Variants in TFDP2 observed in about 807,000 individuals in gnomAD.
TFDP2 encodes the protein transcription factor Dp-2 (E2F dimerization partner 2).
A neutral mutation model predicts 59.3 loss-of-function variants in TFDP2; 17 were observed. The observed-to-expected ratio is 0.29, with a 90% CI of 0.20 to 0.43. The LOEUF is 0.43. Ranked by LOEUF, TFDP2 falls within the 20% of genes least tolerant of loss-of-function variation. The probability of loss-of-function intolerance (pLI) is 1.00; values close to 1 mark genes in which losing one functional copy is unlikely to be tolerated. For missense variants in TFDP2, 391 were observed against 528.8 expected, an observed-to-expected ratio of 0.74 and a Z score of 2.56; for synonymous variants, 180 against 194.7, an observed-to-expected ratio of 0.92 and a Z score of 0.63.
chr3:142,142,318 A>G (rs1467893461), intron 1 of TFDP2, among the ~76,000 whole-genome samples: 2 of 152,246 alleles, frequency 1.3e-5, no homozygotes, highest in Non-Finnish European at 2.9e-5. Flanking sequence ...ACAGTGAACA[A>G]TGTGAAAAAG....
intron 2 of TFDP2, among the ~76,000 whole-genome samples, chr3:142,096,921 T>A (rs1026917217): frequency 1.8e-4 from 27 of 152,204 alleles, no homozygotes; most frequent in African/African-American, 6.3e-4. Context: ...ATCTGTTAAT[T>A]TGGCAAAAAT....
Position 141,945,749 on chromosome 3 carries a change from G to GTGACATGGT in TFDP2, c.*6763_*6764insACCATGTCA. ...ATGTGACATGAAGCTCGGCCATGGT[G>GTGACATGGT]AAGTATGGTAAGTGACAAATGGCAT... On this transcript the variant is annotated 3_prime_UTR_variant, in exon 13 of 13. Coordinates refer to ENST00000489671, the MANE Select transcript of TFDP2 (RefSeq NM_001178139.2). 6.6e-6 allele frequency: 1 copy of GTGACATGGT among 152,392 alleles called. No homozygotes were observed. Among genetic ancestry groups the GTGACATGGT allele is most frequent in the Non-Finnish European group, 1.5e-5 (1 of 68,046 alleles). The allele number at this position is 152,392 out of a possible 1,614,324, so 9.4% of individuals were successfully genotyped here.
intron 1 of TFDP2, among the ~76,000 whole-genome samples, chr3:142,111,730 G>C (rs2061672359): frequency 6.6e-6 from 1 of 151,964 alleles, no homozygotes; most frequent in Non-Finnish European, 1.5e-5. Flanking sequence ...TAAGAGATGA[G>C]GTAGGAAGCC....
At chr3:142,028,211 A>G (rs973695089) in intron 3 of TFDP2, among the ~76,000 whole-genome samples, 1 of 152,098 alleles carries the variant, frequency 6.6e-6, no homozygotes, top group Non-Finnish European at 1.5e-5. Context: ...ACTACTGGGG[A>G]AAAAAATGAA....
At chr3:142,082,920 A>G (rs989908038) in intron 3 of TFDP2, among the ~76,000 whole-genome samples, 3 of 152,212 alleles carry the variant, frequency 2.0e-5, no homozygotes, top group Non-Finnish European at 4.4e-5. Context: ...AAAATACAGG[A>G]TAGGAAAAAG....
chr3:142,046,013 C>T (rs1267675021), intron 3 of TFDP2, among the ~76,000 whole-genome samples: 3 of 152,146 alleles, frequency 2.0e-5, no homozygotes, highest in African/African-American at 7.2e-5. Flanking sequence ...TTAAAGATCC[C>T]TTTGAGGATC....
intron 4 of TFDP2, among the ~76,000 whole-genome samples, chr3:142,003,063 C>T (rs1943934211): frequency 6.6e-6 from 1 of 151,468 alleles, no homozygotes; most frequent in East Asian, 1.9e-4. Context: ...AGTACAGTGC[C>T]GCGATCTCTG....
At chr3:141,975,566 T>C (rs948749451) in intron 7 of TFDP2, among the ~76,000 whole-genome samples, 1 of 151,738 alleles carries the variant, frequency 6.6e-6, no homozygotes, top group Non-Finnish European at 1.5e-5. Flanking sequence ...TGGTGGCGCA[T>C]GACTGTAATG....
chr3:142,100,052 T>C (rs2061273823), intron 2 of TFDP2, among the ~76,000 whole-genome samples: 2 of 152,174 alleles, frequency 1.3e-5, no homozygotes, highest in African/African-American at 4.8e-5. Context: ...TAGTTACCAA[T>C]GCATGTTAAA....
chr3:142,040,405 C>T lies in TFDP2; in HGVS notation c.83-34861G>A, dbSNP rs975287970. 4.6e-5 allele frequency among the ~76,000 whole-genome samples: 7 copies of T among 151,966 alleles called. No individual in the cohort carries two copies. In the East Asian group the frequency reaches 5.8e-4, roughly 13 times the overall value. On this transcript the variant is annotated intron_variant, in intron 3 of 12. Coordinates refer to ENST00000489671, the MANE Select transcript of TFDP2 (RefSeq NM_001178139.2). ...AGGAGTTTGAGACCACCCTGAGTAACGTAGCAAAACACTATCTCTACAAAT... is the reference window on the plus strand; with the variant it reads ...AGGAGTTTGAGACCACCCTGAGTAATGTAGCAAAACACTATCTCTACAAAT...
intron 9 of TFDP2, among the ~76,000 whole-genome samples, chr3:141,968,051 G>A (rs560352779): frequency 1.3e-5 from 2 of 151,754 alleles, no homozygotes; most frequent in African/African-American, 4.8e-5. Context: ...GAGCTCTTAG[G>A]GGATACTGCA....
chr3:142,097,406 T>C (rs2061194069), intron 2 of TFDP2, among the ~76,000 whole-genome samples: 1 of 152,118 alleles, frequency 6.6e-6, no homozygotes, highest in Admixed American at 6.6e-5. Context: ...AAATAGCCAC[T>C]TAGGCCAGGC....
chr3:141,987,482 C>T (rs1942230447), intron 6 of TFDP2, among the ~76,000 whole-genome samples: 1 of 150,632 alleles, frequency 6.6e-6, no homozygotes, highest in Non-Finnish European at 1.5e-5. Context: ...TGGGTTTCAC[C>T]ATGTTGCCCA....
intron 7 of TFDP2, 117 bp from the exon 8 acceptor site, chr3:141,974,308 T>TA: frequency 1.1e-6 from 1 of 887,622 alleles, no homozygotes; most frequent in Non-Finnish European, 1.6e-6. Context: ...TCTATTTTTT[T>TA]ATTTAGCCAA....
At chr3:142,046,062 CTCA>C (rs1484203529) in intron 3 of TFDP2, among the ~76,000 whole-genome samples, 1 of 152,088 alleles carries the variant, frequency 6.6e-6, no homozygotes, top group Non-Finnish European at 1.5e-5. Context: ...CACAATTTTG[CTCA>C]TCAATTCAGT....
rs1344956103 is a variant in TFDP2 at position 141,977,646 on chromosome 3, G to A, written c.519+874C>T. On this transcript the variant is annotated intron_variant, in intron 7 of 12. Transcript: ENST00000489671. ...TTCCAATTAAAAATAAAATTTTCTT[G>A]TTGACTTAGACATTGAAGAAACAAT... Among the ~76,000 whole-genome samples the A allele has an allele frequency of 2.0e-5, 3 of 151,936 alleles. No individual in the cohort carries two copies. In the East Asian group the frequency reaches 5.8e-4, roughly 29 times the overall value.
At chr3:142,038,083 A>T (rs778002200) in intron 3 of TFDP2, among the ~76,000 whole-genome samples, 1 of 152,128 alleles carries the variant, frequency 6.6e-6, no homozygotes, top group Non-Finnish European at 1.5e-5. Context: ...ACAGAAGTAG[A>T]TATAAAGAAG....
At chr3:142,052,910 C>T (rs1002863819) in intron 3 of TFDP2, among the ~76,000 whole-genome samples, 34 of 152,040 alleles carry the variant, frequency 2.2e-4, no homozygotes, top group African/African-American at 5.8e-4. Flanking sequence ...CCTGGGTTCA[C>T]GCCATTCTCC....
intron 2 of TFDP2, among the ~76,000 whole-genome samples, chr3:142,101,356 CAAAAAAA>C (rs529718660): frequency 1.2e-5 from 1 of 85,964 alleles, no homozygotes; most frequent in Non-Finnish European, 2.5e-5. Flanking sequence ...CCTGAGTAAC[CAAAAAAA>C]AAAAAAAAAA....
Sources: allele counts gnomAD v4.1 joint callset (sites outside exome capture counted in the v4.1 genomes callset), GRCh38; gene constraint gnomAD v4.1.1; transcripts MANE v1.5; gene names NCBI Gene and HGNC (gene_info 2026-07-23, HGNC 2026-07-21).